DSCAML1: variants seen among roughly 807,000 people sequenced by gnomAD.
DSCAML1 encodes the protein cell adhesion molecule DSCAML1.
DSCAML1 carries 38 observed loss-of-function variants against 200.5 expected under a neutral mutation model. The ratio of observed to expected loss-of-function variants is 0.19; its 90% CI spans 0.15 to 0.25. The LOEUF is 0.25. DSCAML1 is among the 10% of genes least tolerant of loss of function. The pLI is 1.00. For synonymous variants in DSCAML1, 1,215 were observed against 1,165.0 expected (o/e 1.04, Z -0.87); for missense variants, 2,223 against 2,858.8 (o/e 0.78, Z 5.07).
chr11:117,584,077 C>T (rs1480270470), intron 3 of DSCAML1, among the ~76,000 whole-genome samples: 1 of 152,052 alleles, frequency 6.6e-6, no homozygotes, highest in East Asian at 1.9e-4. Flanking sequence ...TCTCCTACCC[C>T]CCTGTGCAAT....
intron 3 of DSCAML1, among the ~76,000 whole-genome samples, chr11:117,688,069 C>T (rs2053435660): frequency 1.3e-5 from 2 of 151,914 alleles, no homozygotes; most frequent in South Asian, 4.1e-4. Flanking sequence ...AGCGCTCATT[C>T]AGATGATGGG....
At chr11:117,815,161 G>A (rs537148470) in intron 1 of DSCAML1, among the ~76,000 whole-genome samples, 42 of 152,340 alleles carry the variant, frequency 2.8e-4, no homozygotes, top group African/African-American at 1.0e-3. Flanking sequence ...CAGGGGCTGT[G>A]GGGGTGTATC....
intron 1 of DSCAML1, among the ~76,000 whole-genome samples, chr11:117,816,010 G>A (rs1289524281): frequency 2.0e-5 from 3 of 152,004 alleles, no homozygotes; most frequent in African/African-American, 4.8e-5. Context: ...ACCTGGGGGA[G>A]ACCCTCCCCC....
rs544026834 is a variant in DSCAML1 at position 117,486,449 on chromosome 11, A to G, written c.2360-4287T>C. On this transcript the variant is annotated intron_variant, in intron 11 of 32. Transcript: ENST00000651296. ...AATGGCGGATGTGAAAGTGGCAGAT[A>G]TGAAAGTAGCGGATGTGAAAATGGT... Among the ~76,000 whole-genome samples the G allele has an allele frequency of 2.8e-3, 425 of 149,338 alleles. 4 individuals are homozygous for G. Among genetic ancestry groups the G allele is most frequent in the South Asian group, 9.1e-3 (43 of 4,714 alleles).
chr11:117,672,875 A>G (rs2053140038), intron 3 of DSCAML1, among the ~76,000 whole-genome samples: 1 of 152,172 alleles, frequency 6.6e-6, no homozygotes, highest in Admixed American at 6.5e-5. Flanking sequence ...CAATTGATTT[A>G]CCTATGTCTG....
At chr11:117,794,173 A>G (rs1264058595) in intron 1 of DSCAML1, among the ~76,000 whole-genome samples, 2 of 152,170 alleles carry the variant, frequency 1.3e-5, no homozygotes, top group Non-Finnish European at 2.9e-5. Flanking sequence ...GGAAATGAAA[A>G]AATCAATGCA....
upstream of DSCAML1, among the ~76,000 whole-genome samples, chr11:117,800,207 G>A (rs770463407): frequency 9.9e-5 from 15 of 152,198 alleles, no homozygotes; most frequent in African/African-American, 3.4e-4. Context: ...TTCGACAGGA[G>A]TTGTATTGGG....
intron 21 of DSCAML1, among the ~76,000 whole-genome samples, chr11:117,442,376 A>G (rs1565683410): frequency 6.6e-6 from 1 of 151,498 alleles, no homozygotes; most frequent in African/African-American, 2.4e-5. Flanking sequence ...ATTAGTGTGT[A>G]TAGTGTGTGT....
intron 1 of DSCAML1, among the ~76,000 whole-genome samples, chr11:117,796,559 G>A (rs565141031): frequency 7.2e-5 from 11 of 152,364 alleles, no homozygotes; most frequent in African/African-American, 2.4e-4. Context: ...CAGGGCTGGG[G>A]TCCGCGGCGG....
chr11:117,631,307 T>C (rs963548176), intron 3 of DSCAML1, among the ~76,000 whole-genome samples: 2 of 152,106 alleles, frequency 1.3e-5, no homozygotes, highest in Non-Finnish European at 2.9e-5. Context: ...CCAGACAGGC[T>C]CTCCCACAGA....
chr11:117,704,971 T>C (rs993325872), intron 3 of DSCAML1, among the ~76,000 whole-genome samples: 1 of 151,846 alleles, frequency 6.6e-6, no homozygotes, highest in African/African-American at 2.4e-5. Context: ...CTAAGTGGAG[T>C]GCTGTCAAGG....
At chr11:117,810,232 C>A (rs569483040) in intron 1 of DSCAML1, among the ~76,000 whole-genome samples, 36 of 149,478 alleles carry the variant, frequency 2.4e-4, no homozygotes, top group Non-Finnish European at 4.7e-4. Flanking sequence ...GACCCAAACT[C>A]CGTGGACCCA....
chr11:117,615,357 T>C (rs979079814), intron 3 of DSCAML1, among the ~76,000 whole-genome samples: 25 of 152,232 alleles, frequency 1.6e-4, no homozygotes, highest in Admixed American at 1.2e-3. Context: ...TCCTGGATGC[T>C]GGGCCTGCTA....
Position 117,471,921 on chromosome 11 carries a change from C to T in DSCAML1, c.2901G>A (p.Lys967=). 6.2e-7 allele frequency: 1 copy of T among 1,613,912 alleles called. No homozygotes were observed. Among genetic ancestry groups the T allele is most frequent in the Non-Finnish European group, 8.5e-7 (1 of 1,179,940 alleles). The change falls in exon 15 of 33, where the codon AAG becomes AAA. Residue 967 remains lysine, a synonymous_variant. Coordinates refer to ENST00000651296, the MANE Select transcript of DSCAML1 (RefSeq NM_020693.4). ...CCTTGCTTGGTTCACTGCGGCCAAT[C>T]TTGTTGAAAGAGTACATGCGGATGC... ...VYSIRMYSFN[K]IGRSEPSKEL...
intron 3 of DSCAML1, among the ~76,000 whole-genome samples, chr11:117,693,638 T>A (rs1032600137): frequency 6.6e-6 from 1 of 152,128 alleles, no homozygotes; most frequent in Non-Finnish European, 1.5e-5. Flanking sequence ...AGAAATAAAT[T>A]CTGGGCCCCG....
chr11:117,456,707 C>G (rs550298135), intron 19 of DSCAML1, among the ~76,000 whole-genome samples: 1 of 149,100 alleles, frequency 6.7e-6, no homozygotes, highest in South Asian at 2.1e-4. Flanking sequence ...TGGAGTCTCG[C>G]TCTGTCACCC....
chr11:117,714,612 G>T (rs558110285), intron 3 of DSCAML1, among the ~76,000 whole-genome samples: 1 of 152,004 alleles, frequency 6.6e-6, no homozygotes, highest in East Asian at 1.9e-4. Flanking sequence ...AGGTCAGGAG[G>T]TCGGGAGCAG....
chr11:117,710,519 T>C (rs2053828446), intron 3 of DSCAML1, among the ~76,000 whole-genome samples: 2 of 152,130 alleles, frequency 1.3e-5, no homozygotes, highest in African/African-American at 4.8e-5. Context: ...GCTTTATCCT[T>C]AGGGACTAGC....
At chr11:117,479,814 A>G (rs757251892) in intron 14 of DSCAML1, among the ~76,000 whole-genome samples, 1 of 151,980 alleles carries the variant, frequency 6.6e-6, no homozygotes, top group Non-Finnish European at 1.5e-5. Flanking sequence ...ACGCCTGGCT[A>G]ATTTTTGTAT....
Sources: gnomAD v4.1 joint callset for allele counts (sites outside exome capture counted in the v4.1 genomes callset) on GRCh38, gnomAD v4.1.1 for gene constraint, MANE v1.5 for transcripts, NCBI Gene and HGNC (gene_info 2026-07-23, HGNC 2026-07-21) for gene names.